Variants in ATP8B1 observed in about 807,000 individuals in gnomAD.
ATP8B1 encodes the protein phospholipid-transporting ATPase IC.
Under a neutral mutation model 149.9 loss-of-function variants are expected in ATP8B1, and 80 were observed. That is an observed-to-expected ratio of 0.53 (90% confidence interval 0.45 to 0.64). The LOEUF (loss-of-function observed/expected upper bound fraction) is 0.64, where lower values mean the gene tolerates loss of function less well. ATP8B1 is among the 30% of genes least tolerant of loss of function. The pLI is 0.00. For synonymous variants in ATP8B1, 536 were observed against 562.8 expected (o/e 0.95, Z 0.67); for missense variants, 1,247 against 1,552.6 (o/e 0.80, Z 3.31).
rs1246997320 is a variant in ATP8B1 at position 57,669,624 on chromosome 18, A to G, written c.1933-142T>C. On this transcript the variant is annotated intron_variant, in intron 17 of 27. Transcript: ENST00000648908. ...CATTAAACATGACAGATTCTGTACA[A>G]ATACACTTTAGAGAGGGGATTAAAT... 11 of 842,336 alleles carry G rather than the reference A, an allele frequency of 1.3e-5. No homozygotes were observed. In the African/African-American group the frequency reaches 1.7e-4, roughly 13 times the overall value. 52.2% of individuals were successfully genotyped at this position (842,336 alleles called of 1,614,324 possible).
At chr18:57,773,949 C>A (rs142218936) in intron 1 of ATP8B1, among the ~76,000 whole-genome samples, 1 of 152,346 alleles carries the variant, frequency 6.6e-6, no homozygotes, top group African/African-American at 2.4e-5. Flanking sequence ...ACATGGAGGG[C>A]AGGCTGATTC....
intron 2 of ATP8B1, among the ~76,000 whole-genome samples, chr18:57,710,976 A>T (rs1913658451): frequency 1.3e-5 from 2 of 152,188 alleles, no homozygotes; most frequent in South Asian, 4.1e-4. Context: ...TTGGGTTCCT[A>T]AAAGAGAAAT....
At chr18:57,674,353 C>CA (rs1186870590) in intron 16 of ATP8B1, among the ~76,000 whole-genome samples, 1 of 148,962 alleles carries the variant, frequency 6.7e-6, no homozygotes, top group African/African-American at 2.5e-5. Flanking sequence ...GAGTAGGGAA[C>CA]ACAGTGAAGA....
At chr18:57,786,732 C>T (rs541559130) in intron 1 of ATP8B1, among the ~76,000 whole-genome samples, 5 of 152,340 alleles carry the variant, frequency 3.3e-5, no homozygotes, top group South Asian at 4.1e-4. Flanking sequence ...CCACCCATCT[C>T]GGCCTCCCAA....
rs1913285443 is a variant in ATP8B1 at position 57,704,460 on chromosome 18, A to C, written c.393+95T>G. On this transcript the variant is annotated intron_variant, in intron 4 of 27. Coordinates refer to ENST00000648908, the MANE Select transcript of ATP8B1 (RefSeq NM_001374385.1). ...TACAGAACCCTGATGCTAATATAAA[A>C]CACTTTCAAGATTATTCACATTATA... 1.4e-5 allele frequency: 12 copies of C among 882,246 alleles called. No homozygotes were observed. The East Asian group carries it at 2.9e-4, about 21-fold the overall frequency. 54.7% of individuals were successfully genotyped at this position (882,246 alleles called of 1,614,324 possible).
intron 2 of ATP8B1, among the ~76,000 whole-genome samples, chr18:57,708,980 T>C (rs319406): frequency 0.31 from 46,425 of 152,104 alleles, 7,574 homozygotes; most frequent in Non-Finnish European, 0.38. Context: ...CTCTTAATTT[T>C]ACACTTCTGC....
At chr18:57,713,904 G>T (rs1415234033) in intron 2 of ATP8B1, among the ~76,000 whole-genome samples, 1 of 152,130 alleles carries the variant, frequency 6.6e-6, no homozygotes, top group Non-Finnish European at 1.5e-5. Context: ...TGGGATTACA[G>T]GCATGAGACA....
intron 4 of ATP8B1, among the ~76,000 whole-genome samples, chr18:57,704,116 A>G (rs1020908005): frequency 1.3e-5 from 2 of 151,900 alleles, no homozygotes; most frequent in Admixed American, 6.6e-5. Flanking sequence ...ATAGGCATGC[A>G]CCATCACGCC....
intron 8 of ATP8B1, among the ~76,000 whole-genome samples, chr18:57,697,183 C>T (rs1454937819): frequency 2.0e-5 from 3 of 152,082 alleles, no homozygotes; most frequent in Non-Finnish European, 2.9e-5. Context: ...ATTGTTTGAA[C>T]CCAGGGGGTG....
Position 57,648,300 on chromosome 18 carries a change from TTAA to T in ATP8B1, c.*185_*187del, listed in dbSNP as rs1321146419. Reference sequence around the variant, plus strand: ...CACGCCCGGCCGAATAATAGGACTTTTAAAAGTCCTATTTCTTGGCTCTGCTAT... The same window carrying T: ...CACGCCCGGCCGAATAATAGGACTTTAAGTCCTATTTCTTGGCTCTGCTAT... On this transcript the variant is annotated 3_prime_UTR_variant, in exon 28 of 28. Transcript: ENST00000648908. 2.6e-6 allele frequency: 2 copies of T among 768,212 alleles called. No homozygotes were observed. Among genetic ancestry groups the T allele is most frequent in the Non-Finnish European group, 4.3e-6 (2 of 463,010 alleles). 47.6% of individuals were successfully genotyped at this position (768,212 alleles called of 1,614,324 possible). A position where few individuals can be genotyped will look rare whatever the true frequency, so the allele number is the denominator to read the frequency against.
chr18:57,650,802 A>C (rs1310060865), intron 26 of ATP8B1, among the ~76,000 whole-genome samples: 1 of 152,114 alleles, frequency 6.6e-6, no homozygotes, highest in East Asian at 1.9e-4. Context: ...GTGCCACCGC[A>C]CTCCAGCCTG....
chr18:57,745,340 C>T (rs917266565), intron 1 of ATP8B1, among the ~76,000 whole-genome samples: 3 of 151,854 alleles, frequency 2.0e-5, no homozygotes, highest in South Asian at 2.1e-4. Context: ...GGGGAGATCT[C>T]GGCTCACTGC....
intron 1 of ATP8B1, among the ~76,000 whole-genome samples, chr18:57,777,840 G>T (rs1185828570): frequency 6.6e-6 from 1 of 152,176 alleles, no homozygotes; most frequent in Non-Finnish European, 1.5e-5. Flanking sequence ...AAAGTTCTGG[G>T]ATTACAGGCG....
chr18:57,775,886 C>T (rs867544121), intron 1 of ATP8B1, among the ~76,000 whole-genome samples: 3 of 152,142 alleles, frequency 2.0e-5, no homozygotes, highest in African/African-American at 4.8e-5. Flanking sequence ...TCAGGTGATC[C>T]GCCTGCCTTG....
At chr18:57,752,247 T>TAATAATAATA (rs2080030010) in intron 1 of ATP8B1, among the ~76,000 whole-genome samples, 2 of 101,642 alleles carry the variant, frequency 2.0e-5, no homozygotes, top group African/African-American at 6.6e-5. Context: ...TAATAATAAA[T>TAATAATAATA]GATAATCTAA....
intron 16 of ATP8B1, 115 bp downstream of exon 16, chr18:57,674,719 T>C: frequency 1.6e-6 from 2 of 1,230,076 alleles, no homozygotes; most frequent in Non-Finnish European, 2.4e-6. Flanking sequence ...TGCAGAAATC[T>C]CCCAGGAGCC....
chr18:57,790,184 A>G (rs1280247177), intron 1 of ATP8B1, among the ~76,000 whole-genome samples: 1 of 151,522 alleles, frequency 6.6e-6, no homozygotes, highest in East Asian at 1.9e-4. Context: ...TGCGGCTCCT[A>G]CCTTCCAGTT....
At chr18:57,691,465 T>A (rs915646677) in intron 12 of ATP8B1, among the ~76,000 whole-genome samples, 4 of 152,216 alleles carry the variant, frequency 2.6e-5, no homozygotes, top group Non-Finnish European at 1.5e-5. Flanking sequence ...CATCACCTGC[T>A]AAATCTTCCC....
intron 1 of ATP8B1, among the ~76,000 whole-genome samples, chr18:57,799,704 C>CA (rs4059219): frequency 0.18 from 20,181 of 110,676 alleles, 1,752 homozygotes; most frequent in African/African-American, 0.25. Flanking sequence ...GACTCTGTCT[C>CA]AAAAAAAAAA....
Sources: gnomAD v4.1 joint callset for allele counts (sites outside exome capture counted in the v4.1 genomes callset) on GRCh38, gnomAD v4.1.1 for gene constraint, MANE v1.5 for transcripts, NCBI Gene and HGNC (gene_info 2026-07-23, HGNC 2026-07-21) for gene names.